Variants in CD3E observed in about 807,000 individuals in gnomAD.
CD3E encodes CD3 epsilon subunit of T-cell receptor complex.
In CD3E, 16 loss-of-function variants were observed where a neutral mutation model predicts 34.7. That is an observed-to-expected ratio of 0.46 (90% CI 0.31 to 0.70). The LOEUF (loss-of-function observed/expected upper bound fraction) is 0.70, where lower values mean the gene tolerates loss of function less well. Ranked by LOEUF, CD3E falls within the 30% of genes least tolerant of loss-of-function variation. The pLI is 0.05. For synonymous variants in CD3E, 70 were observed against 90.8 expected (o/e 0.77, Z 1.30); for missense variants, 223 against 253.9 (o/e 0.88, Z 0.83).
intron 5 of CD3E, 71 bp from the exon 6 acceptor site, chr11:118,312,546 TC>T: frequency 6.3e-7 from 1 of 1,580,536 alleles, no homozygotes; most frequent in Non-Finnish European, 8.7e-7. Flanking sequence ...TTTGGGTGGT[TC>T]TTTTGTCACT....
Position 118,315,552 on chromosome 11 carries a change from G to A in CD3E, c.*10G>A, listed in dbSNP as rs1161970345. On this transcript the variant is annotated 3_prime_UTR_variant, in exon 9 of 9. Transcript: ENST00000361763. ...TCAGAGACGCATCTGACCCTCTGGA[G>A]AACACTGCCTCCCGCTGGCCCAGGT... 11 of 1,610,402 alleles carry A rather than the reference G, an allele frequency of 6.8e-6. No homozygotes were observed. The highest frequency in any genetic ancestry group is 9.3e-6 in the Non-Finnish European group (11 of 1,178,500).
chr11:118,313,771 C>T lies in CD3E; in HGVS notation c.417C>T (p.Cys139=), dbSNP rs200974160. Residue 139 remains cysteine (C), a synonymous_variant, in exon 7 of 9, where the codon TGC becomes TGT. Transcript: ENST00000361763. ...CCACAATTGTCATAGTGGACATCTG[C>T]ATCACTGGGGGCTTGCTGCTGCTGG... ...SVATIVIVDI[C]ITGGLLLLVY... 4.3e-5 allele frequency: 70 copies of T among 1,614,146 alleles called. No homozygotes were observed. Among genetic ancestry groups the T allele is most frequent in the Non-Finnish European group, 5.9e-5 (70 of 1,180,014 alleles).
intron 5 of CD3E, 96 bp downstream of exon 5, chr11:118,312,266 T>C: frequency 9.2e-7 from 1 of 1,085,964 alleles, no homozygotes; most frequent in South Asian, 1.2e-5. Context: ...CCCCAAGAAC[T>C]GATATCTTCC....
rs1948141237 is a variant in CD3E at position 118,312,534 on chromosome 11, C to A, written c.104-84C>A. On this transcript the variant is annotated intron_variant, in intron 5 of 8. Transcript: ENST00000361763. ...GATCTAGATGACAGATGACTTCCTGCATTTGGGTGGTTCTTTTGTCACTAA... is the reference window on the plus strand; with the variant it reads ...GATCTAGATGACAGATGACTTCCTGAATTTGGGTGGTTCTTTTGTCACTAA... 17 of 1,486,170 alleles carry A rather than the reference C, an allele frequency of 1.1e-5. No individual in the cohort carries two copies. The South Asian group carries it at 1.8e-4, about 16-fold the overall frequency. 92.1% of individuals were successfully genotyped at this position (1,486,170 alleles called of 1,614,324 possible). A position where few individuals can be genotyped will look rare whatever the true frequency, so the allele number is the denominator to read the frequency against.
Position 118,304,961 on chromosome 11 carries a change from G to C in CD3E, c.9G>C (p.Ser3=), listed in dbSNP as rs776010793. 2.5e-6 allele frequency: 4 copies of C among 1,613,978 alleles called. No homozygotes were observed. Among genetic ancestry groups the C allele is most frequent in the Non-Finnish European group, 3.4e-6 (4 of 1,179,866 alleles). Residue 3 remains serine (S), a synonymous_variant, in exon 2 of 9, where the codon TCG becomes TCC. Transcript: ENST00000361763. MQ[S]GTHWRVLGLC... is the part of the protein sequence containing the mutation. ...AGTCCCATGAAACAAAGATGCAGTC[G>C]GGCACTCACTGGAGAGTTCTGGGCC...
chr11:118,309,902 G>A (rs2134764137), intron 4 of CD3E, among the ~76,000 whole-genome samples: 1 of 152,356 alleles, frequency 6.6e-6, no homozygotes, highest in African/African-American at 2.4e-5. Flanking sequence ...AGGCTCGCTT[G>A]AGCTCAGAAG....
chr11:118,313,960 G>A (rs1415084270), intron 7 of CD3E, 86 bp downstream of exon 7: 7 of 1,314,486 alleles, frequency 5.3e-6, no homozygotes, highest in Non-Finnish European at 7.6e-6. Flanking sequence ...TCCACAGCTA[G>A]GTCAGAACAG....
Position 118,312,807 on chromosome 11 carries a change from G to A in CD3E, c.293G>A (p.Cys98Tyr). ...TTGGAGCAAAGTGGTTATTATGTCT[G>A]CTACCCCAGAGGAAGCAAACCAGAA... is the stretch of plus-strand genomic sequence containing the variant. The part of the protein sequence containing the change: ...SELEQSGYYV[C>Y]YPRGSKPEDA... Residue 98 changes from cysteine to tyrosine, a missense_variant, in exon 6 of 9, where the codon TGC becomes TAC. Transcript: ENST00000361763. The A allele has an allele frequency of 6.2e-7, 1 of 1,614,164 alleles. No individual in the cohort carries two copies. The highest frequency in any genetic ancestry group is 8.5e-7 in the Non-Finnish European group (1 of 1,180,030).
chr11:118,315,508 A>T lies in CD3E; in HGVS notation c.590A>T (p.Asp197Val). 1 of 1,612,628 alleles carries T rather than the reference A, an allele frequency of 6.2e-7. No homozygotes were observed. ...DYEPIRKGQR[D>V]LYSGLNQRRI Reference sequence around the variant, plus strand: ...CAGCCCATCCGGAAAGGCCAGCGGGACCTGTATTCTGGCCTGAATCAGAGA... The same window carrying T: ...CAGCCCATCCGGAAAGGCCAGCGGGTCCTGTATTCTGGCCTGAATCAGAGA... Residue 197 changes from aspartate (D) to valine (V), a missense_variant, in exon 9 of 9, where the codon GAC becomes GTC. Coordinates refer to ENST00000361763, the MANE Select transcript of CD3E (RefSeq NM_000733.4).
rs551375526 is a variant in CD3E at position 118,315,499 on chromosome 11, G to A, written c.581G>A (p.Gly194Asp). ...TTTCACCCCCAGCCCATCCGGAAAG[G>A]CCAGCGGGACCTGTATTCTGGCCTG... ...PNPDYEPIRK[G>D]QRDLYSGLNQ... is the part of the protein sequence containing the mutation. Residue 194 changes from glycine (G) to aspartate (D), a missense_variant, in exon 9 of 9, where the codon GGC becomes GAC. Transcript: ENST00000361763. The A allele has an allele frequency of 4.3e-6, 7 of 1,613,368 alleles. No individual in the cohort carries two copies. In the South Asian group the frequency reaches 5.5e-5, roughly 13 times the overall value.
rs763670617 is a variant in CD3E, at chr11:118,312,710, A to G, written c.196A>G (p.Ile66Val). 5 of 1,614,192 alleles carry G rather than the reference A, an allele frequency of 3.1e-6. No homozygotes were observed. In the South Asian group the frequency reaches 5.5e-5, roughly 18 times the overall value. Residue 66 changes from isoleucine (I) to valine (V), a missense_variant, in exon 6 of 9, where the codon ATA becomes GTA. Coordinates refer to ENST00000361763, the MANE Select transcript of CD3E (RefSeq NM_000733.4). ...EILWQHNDKN[I>V]GGDEDDKNIG... ...ACTATGGCAACACAATGATAAAAACATAGGCGGTGATGAGGATGATAAAAA... is the reference window on the plus strand; with the variant it reads ...ACTATGGCAACACAATGATAAAAACGTAGGCGGTGATGAGGATGATAAAAA...
chr11:118,305,030 G>A (rs1021765776), intron 2 of CD3E, 29 bp downstream of exon 2: 3 of 1,608,372 alleles, frequency 1.9e-6, no homozygotes, highest in Non-Finnish European at 8.5e-7. Context: ...AAAGGGTGGT[G>A]TGTCTCCAGA....
chr11:118,310,755 G>T lies in CD3E; in HGVS notation c.86-1398G>T, dbSNP rs113231013. On this transcript the variant is annotated intron_variant, in intron 4 of 8. Transcript: ENST00000361763. ...TATAATGTCTATGTACTTTATTTAT[G>T]ATTTCTAGTTCATTTAACATGTCTA... 2.4e-3 allele frequency among the ~76,000 whole-genome samples: 364 copies of T among 152,196 alleles called. 1 individual carries two copies. The highest frequency in any genetic ancestry group is 8.6e-3 in the African/African-American group (355 of 41,494).
At chr11:118,315,402 CA>C in intron 8 of CD3E, 83 bp from the exon 9 acceptor site, 1 of 1,185,560 alleles carries the variant, frequency 8.4e-7, no homozygotes, top group Non-Finnish European at 1.2e-6. Context: ...TCTTCCCACG[CA>C]CTAAAGCTAG....
In CD3E at chr11:118,313,858, T is replaced by G. The variant is rs1160551249; in HGVS notation, c.504T>G (p.Ala168=). The G allele has an allele frequency of 1.9e-6, 3 of 1,613,286 alleles. No homozygotes were observed. Among genetic ancestry groups the G allele is most frequent in the Non-Finnish European group, 2.5e-6 (3 of 1,180,018 alleles). ...KAKPVTRGAG[A]GGRQRGQNKE... ...AGCCTGTGACACGAGGAGCGGGTGC[T>G]GGCGGCAGGCAAAGGGGTAAGGCTG... is the stretch of plus-strand genomic sequence containing the variant. The change falls in exon 7 of 9, where the codon GCT becomes GCG. Residue 168 remains alanine, a synonymous_variant. Coordinates refer to ENST00000361763, the MANE Select transcript of CD3E (RefSeq NM_000733.4).
rs577662207 is a variant in CD3E at position 118,308,379 on chromosome 11, A to G, written c.71-48A>G. ...CCCACGGGAGCAGGGTCTGATCTTC[A>G]TTGCCGATAGAAACATTACTAATGG... On this transcript the variant is annotated intron_variant, in intron 3 of 8. Transcript: ENST00000361763. 3 of 1,506,952 alleles carry G rather than the reference A, an allele frequency of 2.0e-6. No individual in the cohort carries two copies. The South Asian group carries it at 3.4e-5, about 17-fold the overall frequency. 93.3% of individuals were successfully genotyped at this position (1,506,952 alleles called of 1,614,324 possible). A position where few individuals can be genotyped will look rare whatever the true frequency, so the allele number is the denominator to read the frequency against.
intron 2 of CD3E, among the ~76,000 whole-genome samples, chr11:118,307,027 T>C (rs575122066): frequency 6.6e-6 from 1 of 152,298 alleles, no homozygotes; most frequent in African/African-American, 2.4e-5. Flanking sequence ...TTCTGACTCC[T>C]GCTTGTCAAA....
chr11:118,305,043 G>C (rs375962834), intron 2 of CD3E, 42 bp downstream of exon 2: 2 of 1,574,452 alleles, frequency 1.3e-6, no homozygotes, highest in African/African-American at 2.7e-5. Flanking sequence ...TCTCCAGACC[G>C]CTGGAAGGCT....
intron 7 of CD3E, 148 bp downstream of exon 7, chr11:118,314,022 A>C: frequency 1.2e-6 from 1 of 832,348 alleles, no homozygotes; most frequent in Non-Finnish European, 2.0e-6. Context: ...ACAAGATCTC[A>C]ACAGACGGTT....
Sources: gnomAD v4.1 joint callset for allele counts (sites outside exome capture counted in the v4.1 genomes callset) on GRCh38, gnomAD v4.1.1 for gene constraint, MANE v1.5 for transcripts, NCBI Gene and HGNC (gene_info 2026-07-23, HGNC 2026-07-21) for gene names.